UBN2: variants seen among roughly 807,000 people sequenced by gnomAD.
UBN2 encodes the protein ubinuclein 2, also known as ubinuclein-2.
Under a neutral mutation model 120.2 loss-of-function variants are expected in UBN2, and 35 were observed. The ratio of observed to expected loss-of-function variants is 0.29; its 90% confidence interval spans 0.22 to 0.39. UBN2 has a LOEUF of 0.39. UBN2 is among the 10% of genes least tolerant of loss of function. UBN2 has a pLI of 1.00. For missense variants in UBN2, 1,693 were observed against 1,663.2 expected (o/e 1.02, Z -0.31); for synonymous variants, 661 against 648.7 (o/e 1.02, Z -0.29).
intron 2 of UBN2, among the ~76,000 whole-genome samples, chr7:139,244,680 A>T (rs1380089392): frequency 1.3e-5 from 2 of 152,070 alleles, no homozygotes; most frequent in African/African-American, 4.8e-5. Context: ...TGAGCATTTT[A>T]TACATATCTA....
At chr7:139,258,223 A>C (rs1796820655) in intron 3 of UBN2, among the ~76,000 whole-genome samples, 1 of 152,240 alleles carries the variant, frequency 6.6e-6, no homozygotes, top group African/African-American at 2.4e-5. Context: ...GAATAGTAGC[A>C]GTGATCCTTA....
chr7:139,319,849 G>GCA, the UBN2 span, among the ~76,000 whole-genome samples: 2 of 151,942 alleles, frequency 1.3e-5, no homozygotes, highest in African/African-American at 4.8e-5. Flanking sequence ...GGCCGAGGTG[G>GCA]GCGTATCACA....
In UBN2 at chr7:139,261,299, A is replaced by T. The variant is rs774433676; in HGVS notation, c.953A>T (p.Tyr318Phe). The part of the protein sequence containing the change: ...SHKSEKKKKR[Y>F]KDSLSLAAMI... ...AAGTCTGAAAAAAAGAAGAAACGTTATAAAGATTCTCTTTCTCTAGCTGCC... is the reference window on the plus strand; with the variant it reads ...AAGTCTGAAAAAAAGAAGAAACGTTTTAAAGATTCTCTTTCTCTAGCTGCC... The change falls in exon 6 of 18, where the codon TAT (tyrosine) becomes TTT (phenylalanine). Residue 318 changes from tyrosine (Y) to phenylalanine (F), a missense_variant. Physicochemically the swap from Tyr to Phe is conservative, Grantham distance 22. Coordinates refer to ENST00000473989, the MANE Select transcript of UBN2 (RefSeq NM_173569.4). The T allele has an allele frequency of 2.5e-6, 4 of 1,612,346 alleles. No homozygotes were observed. The highest frequency in any genetic ancestry group is 3.4e-5 in the Admixed American group (2 of 59,374).
chr7:139,236,017 C>T (rs1796153958), intron 1 of UBN2, among the ~76,000 whole-genome samples: 1 of 152,016 alleles, frequency 6.6e-6, no homozygotes, highest in Non-Finnish European at 1.5e-5. Flanking sequence ...TGTAGTATAC[C>T]TTCCTTTTTA....
Position 139,301,319 on chromosome 7 carries a change from G to A in UBN2, c.*3483G>A, listed in dbSNP as rs1292298039. The A allele has an allele frequency of 6.6e-6, 1 of 152,018 alleles. No individual in the cohort carries two copies. Among genetic ancestry groups the A allele is most frequent in the Non-Finnish European group, 1.5e-5 (1 of 67,986 alleles). The allele number at this position is 152,018 out of a possible 1,614,324, so 9.4% of individuals were successfully genotyped here. A position where few individuals can be genotyped will look rare whatever the true frequency, so the allele number is the denominator to read the frequency against. ...TACTACCCAGGGTTGGAAAGGGCAGGCACCTCTAATCTAGTCTTTGTCCTC... is the reference window on the plus strand; with the variant it reads ...TACTACCCAGGGTTGGAAAGGGCAGACACCTCTAATCTAGTCTTTGTCCTC... On this transcript the variant is annotated 3_prime_UTR_variant, in exon 18 of 18. Coordinates refer to ENST00000473989, the MANE Select transcript of UBN2 (RefSeq NM_173569.4).
At chr7:139,316,367 T>C in the UBN2 span, among the ~76,000 whole-genome samples, 1 of 152,228 alleles carries the variant, frequency 6.6e-6, no homozygotes, top group Admixed American at 6.5e-5. Flanking sequence ...TTAAACTTGT[T>C]AGAACTTTGT....
intron 6 of UBN2, among the ~76,000 whole-genome samples, chr7:139,265,993 G>C (rs1797086003): frequency 6.6e-6 from 1 of 151,688 alleles, no homozygotes; most frequent in Non-Finnish European, 1.5e-5. Context: ...AGCTGAATTT[G>C]AATCTCTCAA....
Position 139,301,957 on chromosome 7 carries a change from T to C in UBN2, c.*4121T>C, listed in dbSNP as rs893096341. Reference sequence around the variant, plus strand: ...GTAGATAAATGATCACAACATGTTATGCAATTTTATTTTATAAAATTTTAA... The same window carrying C: ...GTAGATAAATGATCACAACATGTTACGCAATTTTATTTTATAAAATTTTAA... On this transcript the variant is annotated 3_prime_UTR_variant, in exon 18 of 18. Transcript: ENST00000473989. 28 of 152,224 alleles carry C rather than the reference T, an allele frequency of 1.8e-4. No individual in the cohort carries two copies. Among genetic ancestry groups the C allele is most frequent in the African/African-American group, 5.1e-4 (21 of 41,462 alleles). The allele number at this position is 152,224 out of a possible 1,614,324, so 9.4% of individuals were successfully genotyped here. A position where few individuals can be genotyped will look rare whatever the true frequency, so the allele number is the denominator to read the frequency against.
chr7:139,274,154 T>G, intron 11 of UBN2, 80 bp downstream of exon 11: 1 of 1,361,600 alleles, frequency 7.3e-7, no homozygotes, highest in Non-Finnish European at 9.7e-7. Context: ...CATACACATA[T>G]GTGACATTGA....
At chr7:139,309,315 A>C (rs1322131391), downstream of UBN2, among the ~76,000 whole-genome samples, 1 of 152,226 alleles carries the variant, frequency 6.6e-6, no homozygotes, top group Non-Finnish European at 1.5e-5. Context: ...GAAGATGAAA[A>C]GAACTAAGAA....
intron 2 of UBN2, among the ~76,000 whole-genome samples, chr7:139,242,938 T>C (rs1376913005): frequency 6.6e-6 from 1 of 152,200 alleles, no homozygotes; most frequent in African/African-American, 2.4e-5. Flanking sequence ...TAGGGAGTCT[T>C]GTGACGACAG....
chr7:139,270,505 G>A (rs774907017), intron 8 of UBN2, among the ~76,000 whole-genome samples: 2 of 152,006 alleles, frequency 1.3e-5, no homozygotes, highest in East Asian at 1.9e-4. Context: ...CTGACCTCAG[G>A]TGATCCGCCC....
At chr7:139,253,801 CA>C in intron 3 of UBN2, among the ~76,000 whole-genome samples, 1 of 152,318 alleles carries the variant, frequency 6.6e-6, no homozygotes, top group East Asian at 1.9e-4. Flanking sequence ...ATATCCTCTG[CA>C]ATGTGCAGTA....
At position 139,283,495 on chromosome 7, in the gene UBN2, A is replaced by G; in HGVS notation, c.2590A>G (p.Asn864Asp). 6.2e-7 allele frequency: 1 copy of G among 1,614,094 alleles called. No homozygotes were observed. The highest frequency in any genetic ancestry group is 1.1e-5 in the South Asian group (1 of 91,080). The change falls in exon 15 of 18, where the codon AAC becomes GAC. Residue 864 changes from asparagine (N) to aspartate (D), a missense_variant. This residue lies in a region of UBN2 where 837 missense variants were observed against 817.6 expected (regional missense o/e 1.02). Coordinates refer to ENST00000473989, the MANE Select transcript of UBN2 (RefSeq NM_173569.4). Reference protein sequence around the residue: ...SGLIAGSSIQNPKVSLEPLPA... With the variant: ...SGLIAGSSIQDPKVSLEPLPA... ...CCTTATTGCTGGTTCTTCCATTCAG[A>G]ACCCTAAAGTTTCTTTAGAACCTTT...
the UBN2 span, among the ~76,000 whole-genome samples, chr7:139,315,964 C>G: frequency 6.6e-6 from 1 of 151,492 alleles, no homozygotes; most frequent in Non-Finnish European, 1.5e-5. Context: ...GTAATCCCAG[C>G]TACTGGGGAG....
rs1798297557 is a variant in UBN2, at chr7:139,303,072, TGAA to T, written c.*5240_*5242del. 1 of 152,236 alleles carries T rather than the reference TGAA, an allele frequency of 6.6e-6. No individual in the cohort carries two copies. The highest frequency in any genetic ancestry group is 2.1e-4 in the South Asian group (1 of 4,836). 9.4% of individuals were successfully genotyped at this position (152,236 alleles called of 1,614,324 possible). On this transcript the variant is annotated 3_prime_UTR_variant, in exon 18 of 18. Coordinates refer to ENST00000473989, the MANE Select transcript of UBN2 (RefSeq NM_173569.4). ...ATATTTTCTTCTGGAAAATGATTTT[TGAA>T]GAAATCATATAGCTGCATATCTATC...
chr7:139,268,254 A>G (rs1173179133), intron 7 of UBN2, among the ~76,000 whole-genome samples: 4 of 152,138 alleles, frequency 2.6e-5, no homozygotes, highest in African/African-American at 9.7e-5. Context: ...CACAGAGGGT[A>G]TGCCTCCAGT....
At chr7:139,265,026 A>AATT (rs1423300427) in intron 6 of UBN2, among the ~76,000 whole-genome samples, 1 of 152,128 alleles carries the variant, frequency 6.6e-6, no homozygotes, top group Non-Finnish European at 1.5e-5. Flanking sequence ...GGAACATTTG[A>AATT]ATTATTGTCT....
chr7:139,314,216 G>A, the UBN2 span, among the ~76,000 whole-genome samples: 1 of 150,462 alleles, frequency 6.6e-6, no homozygotes, highest in African/African-American at 2.4e-5. Flanking sequence ...CAGCACTTTG[G>A]GAGGCCAAGG....
Sources: gnomAD v4.1 joint callset for allele counts (sites outside exome capture counted in the v4.1 genomes callset) on GRCh38, gnomAD v4.1.1 for gene constraint, gnomAD v4.1.1 regional missense constraint, MANE v1.5 for transcripts, NCBI Gene and HGNC (gene_info 2026-07-23, HGNC 2026-07-21) for gene names.